EPSTI1: variants seen among roughly 807,000 people sequenced by gnomAD.
EPSTI1 encodes the protein epithelial stromal interaction 1, also known as epithelial-stromal interaction protein 1.
A neutral mutation model predicts 49.9 loss-of-function variants in EPSTI1; 66 were observed. That is an observed-to-expected ratio of 1.32 (90% CI 1.08 to 1.62). The LOEUF is 1.62. Ranked by LOEUF, EPSTI1 falls within the 40% of genes most tolerant of loss-of-function variation. The pLI is 0.00. For missense variants in EPSTI1, 394 were observed against 365.5 expected, an observed-to-expected ratio of 1.08 and a Z score of -0.64; for synonymous variants, 137 against 130.7, an observed-to-expected ratio of 1.05 and a Z score of -0.33.
chr13:42,991,902 A>T lies in EPSTI1; in HGVS notation c.188+76T>A. 6 of 1,546,924 alleles carry T rather than the reference A, an allele frequency of 3.9e-6. No individual in the cohort carries two copies. In the South Asian group the frequency reaches 6.8e-5, roughly 18 times the overall value. Reference sequence around the variant, plus strand: ...TGGGCCCCTGTGGTTTTAAACTCCAAGGACCAAGGTGCTTGTGAGTGAGTA... The same window carrying T: ...TGGGCCCCTGTGGTTTTAAACTCCATGGACCAAGGTGCTTGTGAGTGAGTA... On this transcript the variant is annotated intron_variant, in intron 1 of 10. Transcript: ENST00000313624.
At chr13:42,957,376 A>C (rs1426656617) in intron 5 of EPSTI1, among the ~76,000 whole-genome samples, 1 of 152,228 alleles carries the variant, frequency 6.6e-6, no homozygotes, top group East Asian at 1.9e-4. Context: ...AGTACAAACA[A>C]TAACTAGATC....
chr13:42,889,962 A>G (rs1010829259), intron 10 of EPSTI1, among the ~76,000 whole-genome samples: 4 of 152,284 alleles, frequency 2.6e-5, no homozygotes, highest in African/African-American at 9.6e-5. Context: ...ACCTAATTTC[A>G]TGTAAGTACT....
intron 6 of EPSTI1, 144 bp from the exon 7 acceptor site, chr13:42,926,573 G>T: frequency 1.5e-6 from 1 of 655,228 alleles, no homozygotes. Context: ...TGAGAACAAG[G>T]TGTAGCAGAA....
At chr13:42,940,243 C>T (rs762984571) in intron 6 of EPSTI1, among the ~76,000 whole-genome samples, 2 of 152,148 alleles carry the variant, frequency 1.3e-5, no homozygotes, top group Non-Finnish European at 2.9e-5. Flanking sequence ...CAGCCTAGAA[C>T]TTTCTTTCTG....
chr13:42,983,563 C>CGAAAAAAAAA (rs2040024681), intron 1 of EPSTI1, among the ~76,000 whole-genome samples: 1 of 95,498 alleles, frequency 1.0e-5, no homozygotes, highest in Non-Finnish European at 1.9e-5. Context: ...GACTCCATCT[C>CGAAAAAAAAA]AAAAAAAAAA....
At chr13:42,935,678 A>G (rs1385228224) in intron 6 of EPSTI1, among the ~76,000 whole-genome samples, 2 of 152,048 alleles carry the variant, frequency 1.3e-5, no homozygotes, top group African/African-American at 4.8e-5. Context: ...TGCAAACTCC[A>G]TCTCCCAGGT....
At chr13:42,961,028 G>A (rs930597267) in intron 5 of EPSTI1, among the ~76,000 whole-genome samples, 2 of 152,152 alleles carry the variant, frequency 1.3e-5, no homozygotes, top group African/African-American at 4.8e-5. Context: ...ATCTTGGGGT[G>A]GAGCATTATT....
intron 1 of EPSTI1, among the ~76,000 whole-genome samples, chr13:42,986,174 C>T (rs1023677017): frequency 2.0e-5 from 3 of 152,156 alleles, no homozygotes; most frequent in Non-Finnish European, 4.4e-5. Flanking sequence ...CAGCTGGGGC[C>T]GTCAGCTGAC....
intron 1 of EPSTI1, among the ~76,000 whole-genome samples, chr13:42,990,691 C>T (rs1157085774): frequency 6.6e-6 from 1 of 152,090 alleles, no homozygotes; most frequent in Admixed American, 6.5e-5. Flanking sequence ...TAAGGGTAAA[C>T]CTAAGCTAAA....
intron 6 of EPSTI1, among the ~76,000 whole-genome samples, chr13:42,939,307 A>C (rs1360667093): frequency 6.6e-6 from 1 of 152,176 alleles, no homozygotes; most frequent in East Asian, 1.9e-4. Context: ...TTCCTTTGAG[A>C]ACTTTTCTTT....
chr13:42,978,066 T>C (rs1271029021), intron 1 of EPSTI1, among the ~76,000 whole-genome samples: 1 of 151,426 alleles, frequency 6.6e-6, no homozygotes, highest in East Asian at 1.9e-4. Flanking sequence ...GGCAGGAGAA[T>C]GGCGTGAACC....
chr13:42,958,822 A>G (rs2039355207), intron 5 of EPSTI1, among the ~76,000 whole-genome samples: 1 of 152,198 alleles, frequency 6.6e-6, no homozygotes, highest in African/African-American at 2.4e-5. Flanking sequence ...GGGCATTGTG[A>G]AAGACCCAGC....
chr13:42,951,270 CT>C (rs2153428197), intron 6 of EPSTI1, among the ~76,000 whole-genome samples: 1 of 152,310 alleles, frequency 6.6e-6, no homozygotes, highest in African/African-American at 2.4e-5. Context: ...TTTTATAAGT[CT>C]CTTTTATATT....
chr13:42,977,633 G>C (rs1270457371), intron 1 of EPSTI1, among the ~76,000 whole-genome samples: 1 of 152,254 alleles, frequency 6.6e-6, no homozygotes, highest in Non-Finnish European at 1.5e-5. Context: ...CAGAAAGTCA[G>C]AAGCAGTCTG....
At chr13:42,929,640 A>G (rs935867612) in intron 6 of EPSTI1, among the ~76,000 whole-genome samples, 1 of 152,222 alleles carries the variant, frequency 6.6e-6, no homozygotes, top group African/African-American at 2.4e-5. Flanking sequence ...ACATACCAGG[A>G]CAGTGGTTAC....
chr13:42,934,629 T>TGG lies in EPSTI1; in HGVS notation c.564-8202_564-8201dup, dbSNP rs11387260. 268 of 156,432 alleles carry TGG rather than the reference T, an allele frequency of 1.7e-3. 1 individual carries two copies. The highest frequency in any genetic ancestry group is 5.9e-3 in the African/African-American group (244 of 41,484). 9.7% of individuals were successfully genotyped at this position (156,432 alleles called of 1,614,324 possible). A position where few individuals can be genotyped will look rare whatever the true frequency, so the allele number is the denominator to read the frequency against. On this transcript the variant is annotated intron_variant, in intron 6 of 10. Transcript: ENST00000313624. Reference sequence around the variant, plus strand: ...ATTGTCTTCATGCTGGGGTTGTGGTTGGGGGGACGTTGTAATGGTCCTGAG... The same window carrying TGG: ...ATTGTCTTCATGCTGGGGTTGTGGTTGGGGGGGGACGTTGTAATGGTCCTGAG...
At chr13:42,895,477 TGAA>T (rs541493707) in intron 9 of EPSTI1, among the ~76,000 whole-genome samples, 24 of 152,256 alleles carry the variant, frequency 1.6e-4, no homozygotes, top group Admixed American at 1.4e-3. Flanking sequence ...AACCAAAACA[TGAA>T]GAAGAACCAA....
At chr13:42,926,272 T>C in intron 7 of EPSTI1, 64 bp downstream of exon 7, 1 of 940,298 alleles carries the variant, frequency 1.1e-6, no homozygotes, top group Non-Finnish European at 1.8e-6. Flanking sequence ...ATATCCCTCA[T>C]CTTCAGTCAC....
intron 6 of EPSTI1, among the ~76,000 whole-genome samples, chr13:42,931,052 T>C (rs1566128670): frequency 1.3e-5 from 2 of 152,244 alleles, no homozygotes; most frequent in South Asian, 2.1e-4. Context: ...AGTAAATGTA[T>C]GGGCCAGGCT....
Sources: allele counts gnomAD v4.1 joint callset (sites outside exome capture counted in the v4.1 genomes callset), GRCh38; gene constraint gnomAD v4.1.1; transcripts MANE v1.5; gene names NCBI Gene and HGNC (gene_info 2026-07-23, HGNC 2026-07-21).